ROBO2: variants seen among roughly 807,000 people sequenced by gnomAD.
The protein encoded by ROBO2 is roundabout homolog 2.
ROBO2 carries 53 observed loss-of-function variants against 160.8 expected under a neutral mutation model. The observed-to-expected ratio is 0.33, with a 90% CI of 0.26 to 0.41. The LOEUF is 0.41. Ranked by LOEUF, ROBO2 falls within the 10% of genes least tolerant of loss-of-function variation. The pLI, the probability that ROBO2 is intolerant of heterozygous loss-of-function variation, is 1.00. For missense variants in ROBO2, 1,577 were observed against 1,722.4 expected (o/e 0.92, Z 1.49); for synonymous variants, 664 against 611.7 (o/e 1.09, Z -1.26).
At chr3:76,922,215 G>A (rs2076709589) in intron 2 of ROBO2, among the ~76,000 whole-genome samples, 1 of 152,162 alleles carries the variant, frequency 6.6e-6, no homozygotes, top group Non-Finnish European at 1.5e-5. Flanking sequence ...GGAGGCTGAG[G>A]CAGGAGAATG....
chr3:77,601,357 T>C (rs1434589857), intron 19 of ROBO2, among the ~76,000 whole-genome samples: 3 of 152,180 alleles, frequency 2.0e-5, no homozygotes, highest in Admixed American at 2.0e-4. Flanking sequence ...CTATTTTAGA[T>C]TCACTTAGTA....
intron 1 of ROBO2, among the ~76,000 whole-genome samples, chr3:77,091,445 A>G (rs115810691): frequency 0.043 from 6,495 of 152,286 alleles, 160 homozygotes; most frequent in Middle Eastern, 0.12. Context: ...TTTATCAAAA[A>G]TCATTACAAA....
At chr3:76,820,118 A>G (rs1337628369) in intron 2 of ROBO2, among the ~76,000 whole-genome samples, 1 of 152,012 alleles carries the variant, frequency 6.6e-6, no homozygotes, top group Non-Finnish European at 1.5e-5. Context: ...AGGCCTGTTA[A>G]TCGATTTGTT....
chr3:76,520,761 A>G (rs1047815407), intron 2 of ROBO2, among the ~76,000 whole-genome samples: 7 of 152,158 alleles, frequency 4.6e-5, no homozygotes, highest in Admixed American at 2.0e-4. Flanking sequence ...GGATGCTAGT[A>G]GTCCACATCT....
In ROBO2 at chr3:76,069,623, T is replaced by C. The variant is rs1576726475; in HGVS notation, c.109+132021T>C. On this transcript the variant is annotated intron_variant, in intron 2 of 26. Coordinates refer to the ROBO2 transcript ENST00000487694. ...GTAATCTCATTAAAAATACCTACAC[T>C]TTTTTTTTAATGAAAATTAGAAACA... is the stretch of plus-strand genomic sequence containing the variant. 1.3e-4 allele frequency among the ~76,000 whole-genome samples: 3 copies of C among 22,532 alleles called. No homozygotes were observed. In the South Asian group the frequency reaches 5.1e-3, roughly 38 times the overall value. The allele number at this position is 22,532 out of a possible 152,430, so 14.8% of individuals were successfully genotyped here.
intron 2 of ROBO2, among the ~76,000 whole-genome samples, chr3:76,809,298 T>A (rs928702112): frequency 1.3e-5 from 2 of 152,084 alleles, no homozygotes; most frequent in Non-Finnish European, 2.9e-5. Flanking sequence ...GTTATAGGAC[T>A]GAGATCATTC....
chr3:77,143,368 C>G (rs559394106), intron 2 of ROBO2, among the ~76,000 whole-genome samples: 1 of 151,310 alleles, frequency 6.6e-6, no homozygotes, highest in Non-Finnish European at 1.5e-5. Context: ...CTAATTTTTT[C>G]TATTTTTAGT....
intron 2 of ROBO2, among the ~76,000 whole-genome samples, chr3:75,957,181 G>A (rs1475546423): frequency 6.6e-6 from 1 of 150,896 alleles, no homozygotes; most frequent in African/African-American, 2.4e-5. Flanking sequence ...TAAACATATT[G>A]AAGTTGGAAT....
At chr3:77,519,811 G>C (rs1036032707) in intron 5 of ROBO2, among the ~76,000 whole-genome samples, 1 of 151,312 alleles carries the variant, frequency 6.6e-6, no homozygotes, top group Non-Finnish European at 1.5e-5. Context: ...TTGGATTGCT[G>C]GGTCAAATGG....
In ROBO2 at chr3:77,568,303, C is replaced by G; in HGVS notation, c.1850-10C>G. 6.2e-7 allele frequency: 1 copy of G among 1,612,408 alleles called. No individual in the cohort carries two copies. Among genetic ancestry groups the G allele is most frequent in the Non-Finnish European group, 8.5e-7 (1 of 1,178,984 alleles). ...TTAAAGGTGGGAATGATTCTCTTCT[C>G]TAACTGCAGATATCAGCCCACCAGC... On this transcript the variant is annotated splice_polypyrimidine_tract_variant and intron_variant, in intron 12 of 25. Transcript: ENST00000461745.
intron 4 of ROBO2, among the ~76,000 whole-genome samples, chr3:77,485,307 AAAT>A (rs1421444053): frequency 1.3e-5 from 2 of 152,120 alleles, no homozygotes; most frequent in Non-Finnish European, 2.9e-5. Flanking sequence ...AATTTGACTG[AAAT>A]AATATTTTTG....
intron 2 of ROBO2, among the ~76,000 whole-genome samples, chr3:77,132,507 A>T (rs2075936674): frequency 6.6e-6 from 1 of 152,152 alleles, no homozygotes; most frequent in African/African-American, 2.4e-5. Context: ...AATATTATTT[A>T]TACCACAAGG....
chr3:76,817,817 T>C (rs1222363965), intron 2 of ROBO2, among the ~76,000 whole-genome samples: 2 of 149,140 alleles, frequency 1.3e-5, no homozygotes, highest in Non-Finnish European at 3.0e-5. Context: ...CAAATGCCAT[T>C]ATTTCATTCC....
intron 2 of ROBO2, among the ~76,000 whole-genome samples, chr3:76,498,887 C>T (rs1478378701): frequency 6.6e-6 from 1 of 152,004 alleles, no homozygotes; most frequent in Non-Finnish European, 1.5e-5. Flanking sequence ...GGGGGTTTCA[C>T]CAGGCTGGCC....
chr3:76,462,315 T>A (rs1177218947), intron 2 of ROBO2, among the ~76,000 whole-genome samples: 1 of 152,206 alleles, frequency 6.6e-6, no homozygotes, highest in Non-Finnish European at 1.5e-5. Flanking sequence ...ATTTCTAATT[T>A]GAATTTTCAC....
chr3:76,214,792 T>A (rs1286063920), intron 2 of ROBO2, among the ~76,000 whole-genome samples: 1 of 152,208 alleles, frequency 6.6e-6, no homozygotes, highest in Non-Finnish European at 1.5e-5. Flanking sequence ...AATGTCTCTG[T>A]CTGACAGCTT....
chr3:77,247,463 G>A (rs1349289202), intron 2 of ROBO2, among the ~76,000 whole-genome samples: 1 of 152,184 alleles, frequency 6.6e-6, no homozygotes, highest in Non-Finnish European at 1.5e-5. Flanking sequence ...ACACGTGGAG[G>A]CTCAATAAAG....
intron 2 of ROBO2, among the ~76,000 whole-genome samples, chr3:76,067,240 A>C (rs1576714883): frequency 6.6e-6 from 1 of 152,342 alleles, no homozygotes; most frequent in East Asian, 1.9e-4. Context: ...GGGATAATAA[A>C]GAATACAACA....
intron 14 of ROBO2, among the ~76,000 whole-genome samples, chr3:77,576,061 G>C (rs897722010): frequency 6.6e-6 from 1 of 152,088 alleles, no homozygotes; most frequent in Non-Finnish European, 1.5e-5. Context: ...AGCAGGCACG[G>C]TGTTCTCGCC....
Sources: gnomAD v4.1 joint callset for allele counts (sites outside exome capture counted in the v4.1 genomes callset) on GRCh38, gnomAD v4.1.1 for gene constraint, MANE v1.5 for transcripts, NCBI Gene and HGNC (gene_info 2026-07-23, HGNC 2026-07-21) for gene names.